Variants in TFAP4 observed in about 807,000 individuals in gnomAD.
The protein encoded by TFAP4 is transcription factor AP-4.
TFAP4 carries 7 observed loss-of-function variants against 40.4 expected under a neutral mutation model. The observed-to-expected ratio is 0.17, with a 90% CI of 0.10 to 0.33. The LOEUF (loss-of-function observed/expected upper bound fraction) is 0.33. TFAP4 is among the 10% of genes least tolerant of loss of function. The probability of loss-of-function intolerance (pLI) is 1.00; values close to 1 mark genes in which losing one functional copy is unlikely to be tolerated. For synonymous variants in TFAP4, 218 were observed against 181.4 expected (o/e 1.20, Z -1.62); for missense variants, 374 against 451.1 (o/e 0.83, Z 1.55).
rs1217800548 is a variant in TFAP4, at chr16:4,272,726, G to A, written c.21C>T (p.Pro7=). 1.9e-6 allele frequency: 3 copies of A among 1,613,506 alleles called. No homozygotes were observed. The highest frequency in any genetic ancestry group is 1.1e-5 in the South Asian group (1 of 91,064). Residue 7 remains proline (P), a synonymous_variant, in exon 1 of 7, where the codon CCC becomes CCT. Coordinates refer to ENST00000204517, the MANE Select transcript of TFAP4 (RefSeq NM_003223.3). The part of the protein sequence containing the change: MEYFMV[P]TQKVPSLQHF... Reference sequence around the variant, plus strand: ...GTTGCAAAGAGGGCACCTTCTGAGTGGGCACCATGAAATACTCCATAGCGA... The same window carrying A: ...GTTGCAAAGAGGGCACCTTCTGAGTAGGCACCATGAAATACTCCATAGCGA...
intron 3 of TFAP4, 128 bp from the exon 4 acceptor site, chr16:4,262,077 G>A: frequency 8.8e-7 from 1 of 1,133,492 alleles, no homozygotes; most frequent in Non-Finnish European, 1.2e-6. Flanking sequence ...CCTTCTGCAA[G>A]TCCAACAAAC....
At position 4,258,057 on chromosome 16, in the gene TFAP4, A is replaced by G. The variant is rs1380773783; in HGVS notation, c.1015T>C (p.Ter339ArgextTer26). 6.2e-7 allele frequency: 1 copy of G among 1,610,442 alleles called. No individual in the cohort carries two copies. Among genetic ancestry groups the G allele is most frequent in the Non-Finnish European group, 8.5e-7 (1 of 1,179,390 alleles). Residue 339 changes from the stop codon to arginine, a stop_lost, in exon 7 of 7, where the codon TGA (stop) becomes CGA (arginine). Coordinates refer to ENST00000204517, the MANE Select transcript of TFAP4 (RefSeq NM_003223.3). ...EEPSGDGELP[*>R] ...GGAGAGGAGGGCTGGGGGGGTAGTC[A>G]GGGAAGCTCCCCGTCCCCCGACGGC...
intron 1 of TFAP4, among the ~76,000 whole-genome samples, chr16:4,270,946 C>G (rs1270583254): frequency 6.6e-6 from 1 of 152,248 alleles, no homozygotes; most frequent in Non-Finnish European, 1.5e-5. Flanking sequence ...GTGTCCGCCT[C>G]TTTAAGCGGA....
intron 1 of TFAP4, chr16:4,266,793 C>T (rs571941542): frequency 6.6e-6 from 1 of 152,234 alleles, no homozygotes. Flanking sequence ...TAAAGGTCCA[C>T]TATCCTCTCT....
At chr16:4,266,529 T>A (rs1351945061) in intron 1 of TFAP4, 3 of 152,012 alleles carry the variant, frequency 2.0e-5, no homozygotes, top group Non-Finnish European at 4.4e-5. Flanking sequence ...ATTGGTGGAA[T>A]AGGAGCTAAC....
chr16:4,260,695 C>G, intron 4 of TFAP4, 100 bp from the exon 5 acceptor site: 1 of 1,383,502 alleles, frequency 7.2e-7, no homozygotes, highest in Non-Finnish European at 9.5e-7. Context: ...AACCCTAGCA[C>G]AGGGCGGGCC....
intron 1 of TFAP4, chr16:4,265,601 C>A (rs1204810029): frequency 1.0e-5 from 1 of 96,534 alleles, no homozygotes; most frequent in South Asian, 3.8e-4. Flanking sequence ...CAGAGTGAGA[C>A]CTTGTCTCAA....
intron 1 of TFAP4, among the ~76,000 whole-genome samples, chr16:4,267,879 C>T (rs2053009873): frequency 6.6e-6 from 1 of 152,202 alleles, no homozygotes; most frequent in African/African-American, 2.4e-5. Flanking sequence ...ATACTCTGTA[C>T]TCTGACCTGG....
chr16:4,263,476 C>T (rs953650427), intron 1 of TFAP4: 1 of 152,260 alleles, frequency 6.6e-6, no homozygotes, highest in African/African-American at 2.4e-5. Flanking sequence ...GGCTTTGCCA[C>T]CCCAGGACTG....
At chr16:4,268,638 C>A (rs1476177575) in intron 1 of TFAP4, among the ~76,000 whole-genome samples, 1 of 152,080 alleles carries the variant, frequency 6.6e-6, no homozygotes, top group Non-Finnish European at 1.5e-5. Context: ...GTCACCCAAG[C>A]TGGAGTGCAA....
rs2052957598 is a variant in TFAP4 at position 4,262,437 on chromosome 16, A to G, written c.256-15T>C. On this transcript the variant is annotated splice_polypyrimidine_tract_variant and intron_variant, in intron 2 of 6. Transcript: ENST00000204517. ...AGAATGGCTGCCTGAGGGCGTGGAAAAGCCGAGAGTCAGGCTGGCAGTGTT... is the reference window on the plus strand; with the variant it reads ...AGAATGGCTGCCTGAGGGCGTGGAAGAGCCGAGAGTCAGGCTGGCAGTGTT... 3 of 1,613,966 alleles carry G rather than the reference A, an allele frequency of 1.9e-6. No individual in the cohort carries two copies. The highest frequency in any genetic ancestry group is 1.3e-5 in the African/African-American group (1 of 74,918).
At position 4,260,139 on chromosome 16, in the gene TFAP4, A is replaced by G; in HGVS notation, c.773T>C (p.Val258Ala). The change falls in exon 6 of 7, where the codon GTC (valine) becomes GCC (alanine). Residue 258 changes from valine to alanine, a missense_variant. Val to Ala is a moderately conservative substitution (Grantham distance 64, BLOSUM62 0). This residue lies in a region of TFAP4 where 161 missense variants were observed against 154.2 expected (regional missense o/e 1.04). Coordinates refer to ENST00000204517, the MANE Select transcript of TFAP4 (RefSeq NM_003223.3). ...INVVTMGPSS[V>A]INSVSTSRQN... Reference sequence around the variant, plus strand: ...CCGGGATGTGGAAACAGAGTTGATGACCGAGGAGGGGCCCATGGTGACGAC... The same window carrying G: ...CCGGGATGTGGAAACAGAGTTGATGGCCGAGGAGGGGCCCATGGTGACGAC... 6.6e-7 allele frequency: 1 copy of G among 1,511,148 alleles called. No homozygotes were observed. The highest frequency in any genetic ancestry group is 1.8e-5 in the Admixed American group (1 of 55,828). The allele number at this position is 1,511,148 out of a possible 1,614,324, so 93.6% of individuals were successfully genotyped here. A position where few individuals can be genotyped will look rare whatever the true frequency, so the allele number is the denominator to read the frequency against.
chr16:4,267,825 TTC>T (rs2053009438), intron 1 of TFAP4, among the ~76,000 whole-genome samples: 1 of 152,170 alleles, frequency 6.6e-6, no homozygotes, highest in Non-Finnish European at 1.5e-5. Context: ...CAGCCCGAGG[TTC>T]TCATCCATGC....
chr16:4,266,677 T>C (rs2052999486), intron 1 of TFAP4: 1 of 152,210 alleles, frequency 6.6e-6, no homozygotes, highest in African/African-American at 2.4e-5. Context: ...CAGGTGATAC[T>C]GCACTGAATA....
intron 1 of TFAP4, among the ~76,000 whole-genome samples, chr16:4,270,985 G>A (rs1428312196): frequency 6.6e-6 from 1 of 152,240 alleles, no homozygotes; most frequent in Non-Finnish European, 1.5e-5. Context: ...CTCATAGAAA[G>A]ATTATGACAA....
In TFAP4 at chr16:4,257,732, T is replaced by C. The variant is rs1251270765; in HGVS notation, c.*323A>G. 5 of 251,574 alleles carry C rather than the reference T, an allele frequency of 2.0e-5. No homozygotes were observed. The highest frequency in any genetic ancestry group is 3.0e-5 in the Non-Finnish European group (4 of 131,306). The allele number at this position is 251,574 out of a possible 1,614,324, so 15.6% of individuals were successfully genotyped here. A position where few individuals can be genotyped will look rare whatever the true frequency, so the allele number is the denominator to read the frequency against. The stretch of plus-strand genomic sequence containing the variant: ...GGTTTTGTTTAATTTTCCCTGTTCT[T>C]AAAAAACATATTTAAAGGAAAAAAT... On this transcript the variant is annotated 3_prime_UTR_variant, in exon 7 of 7. Transcript: ENST00000204517.
At chr16:4,272,106 A>T (rs2053045000) in intron 1 of TFAP4, among the ~76,000 whole-genome samples, 2 of 147,784 alleles carry the variant, frequency 1.4e-5, no homozygotes, top group Non-Finnish European at 3.0e-5. Context: ...CAACACCCAC[A>T]CGCGAGCACG....
At chr16:4,260,297 C>G in intron 5 of TFAP4, 52 bp from the exon 6 acceptor site, 1 of 1,516,914 alleles carries the variant, frequency 6.6e-7, no homozygotes, top group Non-Finnish European at 8.8e-7. Flanking sequence ...TTGGCCCATC[C>G]ACCTCCCTTT....
At chr16:4,270,289 G>C (rs578192164) in intron 1 of TFAP4, among the ~76,000 whole-genome samples, 1 of 152,204 alleles carries the variant, frequency 6.6e-6, no homozygotes, top group Admixed American at 6.5e-5. Context: ...TTAGGCGACA[G>C]GTCCAAAACC....
Sources: allele counts gnomAD v4.1 joint callset (sites outside exome capture counted in the v4.1 genomes callset), GRCh38; gene constraint gnomAD v4.1.1; regional missense constraint gnomAD v4.1.1; transcripts MANE v1.5; gene names NCBI Gene and HGNC (gene_info 2026-07-23, HGNC 2026-07-21).